Variants in SF3A3 observed in about 807,000 individuals in gnomAD.
SF3A3 encodes splicing factor 3a subunit 3.
A neutral mutation model predicts 85.8 loss-of-function variants in SF3A3; 9 were observed. That is an observed-to-expected ratio of 0.10 (90% confidence interval 0.06 to 0.18). SF3A3 has a LOEUF of 0.18. Ranked by LOEUF, SF3A3 falls within the 10% of genes least tolerant of loss-of-function variation. The pLI, the probability that SF3A3 is intolerant of heterozygous loss-of-function variation, is 1.00. For synonymous variants in SF3A3, 195 were observed against 204.4 expected (o/e 0.95, Z 0.39); for missense variants, 306 against 593.3 (o/e 0.52, Z 5.03).
chr1:37,976,769 T>C, intron 12 of SF3A3, 115 bp downstream of exon 12: 1 of 729,392 alleles, frequency 1.4e-6, no homozygotes, highest in Admixed American at 2.1e-5. Context: ...CCATACTAGT[T>C]TATCAGCTAT....
At chr1:37,988,776 A>G (rs1252079027) in intron 2 of SF3A3, among the ~76,000 whole-genome samples, 1 of 152,126 alleles carries the variant, frequency 6.6e-6, no homozygotes, top group African/African-American at 2.4e-5. Flanking sequence ...AAACTGAACT[A>G]TTACCAGACA....
At chr1:37,962,116 CAAAA>C (rs1463470902) in intron 15 of SF3A3, among the ~76,000 whole-genome samples, 30 of 119,198 alleles carry the variant, frequency 2.5e-4, no homozygotes, top group African/African-American at 6.0e-4. Flanking sequence ...ACAAAACAAA[CAAAA>C]AAAAACATTA....
chr1:37,989,780 A>G, intron 1 of SF3A3, 90 bp downstream of exon 1: 1 of 1,248,446 alleles, frequency 8.0e-7, no homozygotes, highest in Non-Finnish European at 1.2e-6. Flanking sequence ...GAAGGCAGGG[A>G]GGTTCTGAGG....
At chr1:37,989,430 G>T in intron 2 of SF3A3, 118 bp downstream of exon 2, 1 of 1,081,620 alleles carries the variant, frequency 9.2e-7, no homozygotes, top group South Asian at 1.6e-5. Flanking sequence ...CAGAGAGCCC[G>T]CGACTGGCCA....
intron 12 of SF3A3, among the ~76,000 whole-genome samples, chr1:37,974,524 G>A (rs957608809): frequency 6.6e-6 from 1 of 151,982 alleles, no homozygotes; most frequent in Non-Finnish European, 1.5e-5. Context: ...GGATGGTCTC[G>A]ATCTCCTGAC....
rs558412977 is a variant in SF3A3 at position 37,987,331 on chromosome 1, A to G, written c.303+242T>C. Among the ~76,000 whole-genome samples the G allele has an allele frequency of 2.1e-4, 32 of 152,258 alleles. 1 individual carries two copies. The South Asian group carries it at 6.0e-3, about 29-fold the overall frequency. ...TGACCTCAGGTGATCCACCCACCTCAGCCTCCCAAAGTGCTGGGATTACAG... is the reference window on the plus strand; with the variant it reads ...TGACCTCAGGTGATCCACCCACCTCGGCCTCCCAAAGTGCTGGGATTACAG... On this transcript the variant is annotated intron_variant, in intron 4 of 16. Coordinates refer to ENST00000373019, the MANE Select transcript of SF3A3 (RefSeq NM_006802.4).
In SF3A3 at chr1:37,960,129, A is replaced by T. The variant is rs1486727345; in HGVS notation, c.1419T>A (p.Pro473=). The change falls in exon 16 of 17, where the codon CCT becomes CCA. Residue 473 remains proline (P), a synonymous_variant. Transcript: ENST00000373019. The stretch of plus-strand genomic sequence containing the variant: ...CCACATTAGTACCCACCTCAGTGTC[A>T]GGCTGCCATCGTTCTGAAGCCTTCT... ...KLQKASERWQ[P]DTEEEYEDSS... 1 of 1,613,824 alleles carries T rather than the reference A, an allele frequency of 6.2e-7. No individual in the cohort carries two copies. Among genetic ancestry groups the T allele is most frequent in the Non-Finnish European group, 8.5e-7 (1 of 1,179,902 alleles).
chr1:37,961,759 CA>C (rs10699691), intron 15 of SF3A3, among the ~76,000 whole-genome samples: 1 of 37,802 alleles, frequency 2.6e-5, no homozygotes, highest in Non-Finnish European at 4.4e-5. Context: ...GCAAGACTGC[CA>C]AAAAAAAAAA....
At chr1:37,983,770 A>C (rs1264974413) in intron 6 of SF3A3, among the ~76,000 whole-genome samples, 2 of 151,498 alleles carry the variant, frequency 1.3e-5, no homozygotes, top group East Asian at 3.9e-4. Context: ...CCCCATCTTT[A>C]CAAAAAAAGA....
intron 6 of SF3A3, 90 bp from the exon 7 acceptor site, chr1:37,981,901 T>G (rs1646421182): frequency 1.3e-6 from 1 of 786,708 alleles, no homozygotes; most frequent in South Asian, 1.8e-5. Context: ...GAGATCAAAA[T>G]TGAGTGTTTT....
At chr1:37,973,748 T>G (rs527421119) in intron 12 of SF3A3, among the ~76,000 whole-genome samples, 5 of 152,332 alleles carry the variant, frequency 3.3e-5, no homozygotes, top group East Asian at 1.9e-4. Flanking sequence ...TCCAAAGGAT[T>G]GTAAATAATG....
chr1:37,989,319 A>T (rs1417584760), intron 2 of SF3A3, among the ~76,000 whole-genome samples: 2 of 152,060 alleles, frequency 1.3e-5, no homozygotes, highest in African/African-American at 4.8e-5. Flanking sequence ...AGAAAAAAAA[A>T]AAGGGCACCT....
At chr1:37,987,871 A>G in intron 2 of SF3A3, 35 bp from the exon 3 acceptor site, 1 of 1,560,622 alleles carries the variant, frequency 6.4e-7, no homozygotes, top group Non-Finnish European at 8.8e-7. Flanking sequence ...AGAATGATGC[A>G]ATTTGCACAA....
At position 37,980,788 on chromosome 1, in the gene SF3A3, C is replaced by T. The variant is rs543576759; in HGVS notation, c.552-64G>A. 3.3e-4 allele frequency: 439 copies of T among 1,350,312 alleles called. 4 individuals carry two copies. In the South Asian group the frequency reaches 5.3e-3, roughly 16 times the overall value. 83.6% of individuals were successfully genotyped at this position (1,350,312 alleles called of 1,614,324 possible). A position where few individuals can be genotyped will look rare whatever the true frequency, so the allele number is the denominator to read the frequency against. On this transcript the variant is annotated intron_variant, in intron 7 of 16. Transcript: ENST00000373019. ...TTTCTATTTTTGGTATCTTGTTATT[C>T]CCTGCAGAATATAAAGTACTTATAA...
intron 11 of SF3A3, among the ~76,000 whole-genome samples, chr1:37,978,168 T>G (rs1220510787): frequency 6.6e-6 from 1 of 150,680 alleles, no homozygotes; most frequent in Non-Finnish European, 1.5e-5. Flanking sequence ...TGAAACCCCA[T>G]CTCTACTAAA....
At chr1:37,982,651 C>T (rs372788874) in intron 6 of SF3A3, among the ~76,000 whole-genome samples, 11 of 152,242 alleles carry the variant, frequency 7.2e-5, no homozygotes, top group Admixed American at 1.3e-4. Context: ...GGGTTACAGG[C>T]GTGAGCCACC....
chr1:37,989,295 A>AAAG (rs139148454), intron 2 of SF3A3, among the ~76,000 whole-genome samples: 15 of 149,746 alleles, frequency 1.0e-4, no homozygotes, highest in South Asian at 4.2e-4. Flanking sequence ...ACTCCGTCCA[A>AAAG]AAGAAGAAGA....
chr1:37,969,396 G>C lies in SF3A3; in HGVS notation c.1239C>G (p.Asn413Lys). 1 of 1,612,550 alleles carries C rather than the reference G, an allele frequency of 6.2e-7. No individual in the cohort carries two copies. The highest frequency in any genetic ancestry group is 8.5e-7 in the Non-Finnish European group (1 of 1,179,958). ...NINYNCEICGNYTYRGPKAFQ... is the reference protein window; with the variant it reads ...NINYNCEICGKYTYRGPKAFQ... Reference sequence around the variant, plus strand: ...AGGCTTTGGGCCCTCGGTAGGTGTAGTTTCCACAAATCTCACAGTTGTAGT... The same window carrying C: ...AGGCTTTGGGCCCTCGGTAGGTGTACTTTCCACAAATCTCACAGTTGTAGT... The change falls in exon 14 of 17, where the codon AAC becomes AAG. Residue 413 changes from asparagine to lysine, a missense_variant. Physicochemically the swap from Asn to Lys is moderately conservative, Grantham distance 94 (BLOSUM62 0). Transcript: ENST00000373019.
At chr1:37,989,710 T>C (rs932140258) in intron 1 of SF3A3, 115 bp from the exon 2 acceptor site, 5 of 1,353,684 alleles carry the variant, frequency 3.7e-6, no homozygotes, top group African/African-American at 2.9e-5. Context: ...GAAAGGCCTC[T>C]GGGGCTCCGG....
Sources: gnomAD v4.1 joint callset for allele counts (sites outside exome capture counted in the v4.1 genomes callset) on GRCh38, gnomAD v4.1.1 for gene constraint, MANE v1.5 for transcripts, NCBI Gene and HGNC (gene_info 2026-07-23, HGNC 2026-07-21) for gene names.